PPP3R1: variants seen among roughly 807,000 people sequenced by gnomAD.
The protein encoded by PPP3R1 is calcineurin subunit B type 1.
Under a neutral mutation model 22.6 loss-of-function variants are expected in PPP3R1, and 5 were observed. The ratio of observed to expected loss-of-function variants is 0.22; its 90% CI spans 0.12 to 0.46. The LOEUF is 0.46. Ranked by LOEUF, PPP3R1 falls within the 20% of genes least tolerant of loss-of-function variation. The pLI, the probability that PPP3R1 is intolerant of heterozygous loss-of-function variation, is 0.99. For missense variants in PPP3R1, 61 were observed against 203.2 expected (o/e 0.30, Z 4.25); for synonymous variants, 56 against 65.2 (o/e 0.86, Z 0.68).
At position 68,252,412 on chromosome 2, in the gene PPP3R1, G is replaced by A. The variant is rs1308769158; in HGVS notation, c.-285C>T. 29 of 998,318 alleles carry A rather than the reference G, an allele frequency of 2.9e-5. No individual in the cohort carries two copies. The highest frequency in any genetic ancestry group is 3.5e-5 in the Non-Finnish European group (29 of 839,620). 61.8% of individuals were successfully genotyped at this position (998,318 alleles called of 1,614,324 possible). ...GAGAGGCAGGAGAGGCAGAGAAGAA[G>A]AAAGGAGGGGGAGAGGGGGCGAAGA... On this transcript the variant is annotated 5_prime_UTR_variant, in exon 1 of 6. Coordinates refer to ENST00000234310, the MANE Select transcript of PPP3R1 (RefSeq NM_000945.4).
chr2:68,226,864 A>C (rs1669792874), intron 1 of PPP3R1, among the ~76,000 whole-genome samples: 1 of 152,142 alleles, frequency 6.6e-6, no homozygotes, highest in Non-Finnish European at 1.5e-5. Flanking sequence ...CCAGTTATTC[A>C]AGCACTTTAG....
chr2:68,195,524 G>A (rs1219646791), intron 2 of PPP3R1, among the ~76,000 whole-genome samples: 3 of 152,114 alleles, frequency 2.0e-5, no homozygotes, highest in Non-Finnish European at 2.9e-5. Context: ...AGGAGAGGGG[G>A]TAGGGAATAC....
intron 5 of PPP3R1, among the ~76,000 whole-genome samples, chr2:68,182,922 T>C (rs768468484): frequency 1.3e-5 from 2 of 152,180 alleles, no homozygotes; most frequent in Non-Finnish European, 2.9e-5. Flanking sequence ...AAAAATATTA[T>C]GTAATTCTAT....
chr2:68,230,337 T>C (rs954083916), intron 1 of PPP3R1, among the ~76,000 whole-genome samples: 3 of 152,196 alleles, frequency 2.0e-5, no homozygotes, highest in Admixed American at 6.5e-5. Flanking sequence ...GGTTAAACAT[T>C]TTTTAAATTC....
chr2:68,203,162 C>T (rs1405749361), intron 2 of PPP3R1, among the ~76,000 whole-genome samples: 1 of 152,128 alleles, frequency 6.6e-6, no homozygotes, highest in African/African-American at 2.4e-5. Flanking sequence ...ATTGAGATCA[C>T]TAAATTACCA....
At chr2:68,205,242 C>CTTTT (rs397984912) in intron 2 of PPP3R1, among the ~76,000 whole-genome samples, 64 of 123,466 alleles carry the variant, frequency 5.2e-4, no homozygotes, top group South Asian at 7.5e-4. Context: ...TCAGTATTAT[C>CTTTT]TTTTTTTTTT....
chr2:68,236,752 T>C (rs1670026655), intron 1 of PPP3R1, among the ~76,000 whole-genome samples: 2 of 152,150 alleles, frequency 1.3e-5, no homozygotes, highest in African/African-American at 4.8e-5. Flanking sequence ...TGATGGAAAG[T>C]AACCTAGGGC....
chr2:68,190,336 G>A (rs1252052430), intron 2 of PPP3R1, among the ~76,000 whole-genome samples: 4 of 151,430 alleles, frequency 2.6e-5, no homozygotes, highest in Admixed American at 1.3e-4. Flanking sequence ...AGGCCAAGGC[G>A]GGTGGATCAC....
intron 1 of PPP3R1, among the ~76,000 whole-genome samples, chr2:68,221,895 T>C (rs148428087): frequency 6.6e-6 from 1 of 151,096 alleles, no homozygotes; most frequent in Non-Finnish European, 1.5e-5. Flanking sequence ...CTTTCAAATA[T>C]TATGGCAAAT....
chr2:68,229,973 T>TACACACATACAC (rs1669859670), intron 1 of PPP3R1, among the ~76,000 whole-genome samples: 3 of 143,142 alleles, frequency 2.1e-5, no homozygotes, highest in Non-Finnish European at 4.6e-5. Context: ...TATACACACA[T>TACACACATACAC]ACACACACAC....
chr2:68,191,915 A>G (rs778081063), intron 2 of PPP3R1, among the ~76,000 whole-genome samples: 43 of 152,330 alleles, frequency 2.8e-4, no homozygotes, highest in Admixed American at 3.3e-4. Flanking sequence ...AAATATAATG[A>G]AAGTCCTACA....
intron 1 of PPP3R1, among the ~76,000 whole-genome samples, chr2:68,247,317 T>C (rs1039972515): frequency 6.7e-6 from 1 of 149,522 alleles, no homozygotes; most frequent in South Asian, 2.1e-4. Flanking sequence ...CCCCAAAACC[T>C]TCTTCTCCTA....
chr2:68,216,462 A>T (rs1274372461), intron 2 of PPP3R1, among the ~76,000 whole-genome samples: 3 of 151,994 alleles, frequency 2.0e-5, no homozygotes, highest in South Asian at 2.1e-4. Flanking sequence ...TTCAAAAAAT[A>T]AAAAAATTAA....
intron 5 of PPP3R1, among the ~76,000 whole-genome samples, chr2:68,185,447 ATTATAT>A (rs1674517366): frequency 2.6e-5 from 2 of 76,634 alleles, no homozygotes; most frequent in Non-Finnish European, 3.2e-5. Context: ...TTATATTTAT[ATTATAT>A]TTATAATTTA....
intron 1 of PPP3R1, among the ~76,000 whole-genome samples, chr2:68,248,976 A>C (rs1386909114): frequency 6.6e-6 from 1 of 152,220 alleles, no homozygotes; most frequent in Non-Finnish European, 1.5e-5. Flanking sequence ...AACAGAGAGC[A>C]CAACAACCAG....
At chr2:68,234,498 A>C (rs895294939) in intron 1 of PPP3R1, among the ~76,000 whole-genome samples, 4 of 152,236 alleles carry the variant, frequency 2.6e-5, no homozygotes, top group African/African-American at 9.6e-5. Context: ...AGGAGCAAGA[A>C]GTTATTACAG....
chr2:68,223,236 A>C (rs766236669), intron 1 of PPP3R1, among the ~76,000 whole-genome samples: 4 of 152,216 alleles, frequency 2.6e-5, no homozygotes, highest in Non-Finnish European at 5.9e-5. Flanking sequence ...TCTACTAAGA[A>C]TACAAAAATC....
intron 1 of PPP3R1, among the ~76,000 whole-genome samples, chr2:68,225,344 A>G (rs1669762298): frequency 6.6e-6 from 1 of 152,202 alleles, no homozygotes; most frequent in Admixed American, 6.5e-5. Flanking sequence ...ATTCAACACA[A>G]GGGAAGTGGA....
intron 1 of PPP3R1, among the ~76,000 whole-genome samples, chr2:68,245,648 G>C (rs1280047162): frequency 6.6e-6 from 1 of 151,974 alleles, no homozygotes; most frequent in Non-Finnish European, 1.5e-5. Flanking sequence ...ATTTTTATTT[G>C]CTTTCAAATC....
Sources: allele counts gnomAD v4.1 joint callset (sites outside exome capture counted in the v4.1 genomes callset), GRCh38; gene constraint gnomAD v4.1.1; transcripts MANE v1.5; gene names NCBI Gene and HGNC (gene_info 2026-07-23, HGNC 2026-07-21).